Variants in MGAT4A observed in about 807,000 individuals in gnomAD.
MGAT4A encodes N-acetylglucosaminyltransferase IVa.
A neutral mutation model predicts 74.1 loss-of-function variants in MGAT4A; 33 were observed. The observed-to-expected ratio is 0.45, with a 90% CI of 0.34 to 0.60. The LOEUF (loss-of-function observed/expected upper bound fraction) is 0.60. Among genes scored for constraint, MGAT4A ranks in the 20% least tolerant of loss-of-function variants. MGAT4A has a pLI of 0.02. For missense variants in MGAT4A, 479 were observed against 628.3 expected (o/e 0.76, Z 2.54); for synonymous variants, 198 against 210.4 (o/e 0.94, Z 0.51).
At chr2:98,660,939 CT>C (rs1246669589) in intron 5 of MGAT4A, among the ~76,000 whole-genome samples, 1 of 152,184 alleles carries the variant, frequency 6.6e-6, no homozygotes, top group Non-Finnish European at 1.5e-5. Flanking sequence ...AACTAAAACT[CT>C]TCTACATGGC....
chr2:98,663,213 TG>T (rs779760585), intron 4 of MGAT4A, 34 bp from the exon 5 acceptor site: 72 of 1,553,784 alleles, frequency 4.6e-5, no homozygotes, highest in Admixed American at 1.6e-4. Flanking sequence ...ATTAAAAAAC[TG>T]TACAAGGACA....
At chr2:98,658,361 A>G (rs1701691680) in intron 5 of MGAT4A, 97 bp from the exon 6 acceptor site, 2 of 681,670 alleles carry the variant, frequency 2.9e-6, no homozygotes, top group East Asian at 6.0e-5. Context: ...AAAAACATTC[A>G]TTAAAACCAT....
chr2:98,622,706 G>A lies in MGAT4A; in HGVS notation c.*2860C>T, dbSNP rs552380807. 1.0e-6 allele frequency: 1 copy of A among 985,746 alleles called. No homozygotes were observed. Among genetic ancestry groups the A allele is most frequent in the East Asian group, 1.1e-4 (1 of 8,828 alleles). 61.1% of individuals were successfully genotyped at this position (985,746 alleles called of 1,614,324 possible). ...GAGGCCCTGAGCACCCACCATAGGA[G>A]AGGACAGATGAGCAGTATGAGCTGC... On this transcript the variant is annotated 3_prime_UTR_variant, in exon 16 of 16. Transcript: ENST00000393487.
chr2:98,644,091 A>G, intron 9 of MGAT4A, 38 bp from the exon 10 acceptor site: 1 of 1,518,426 alleles, frequency 6.6e-7, no homozygotes, highest in Non-Finnish European at 8.9e-7. Context: ...GCAATGAAGA[A>G]ACCAAGCACC....
At position 98,665,751 on chromosome 2, in the gene MGAT4A, AC is replaced by A. The variant is rs1282062555; in HGVS notation, c.404-2573del. On this transcript the variant is annotated intron_variant, in intron 4 of 15. Coordinates refer to ENST00000393487, the MANE Select transcript of MGAT4A (RefSeq NM_012214.3). ...TCAGAGTGATGAATGGGGAGGGGGT[AC>A]CCCTGTAAGTCGTGTGGTCACGGAA... 5.9e-5 allele frequency among the ~76,000 whole-genome samples: 9 copies of A among 152,224 alleles called. No individual in the cohort carries two copies. The East Asian group carries it at 1.5e-3, about 26-fold the overall frequency.
At chr2:98,645,375 T>G (rs1415710796) in intron 9 of MGAT4A, 53 bp downstream of exon 9, 8 of 1,316,580 alleles carry the variant, frequency 6.1e-6, no homozygotes, top group Non-Finnish European at 1.0e-6. Context: ...GGTTTTAGAT[T>G]CTGAGAGTCA....
rs1182177851 is a variant in MGAT4A at position 98,622,854 on chromosome 2, G to A, written c.*2712C>T. 2.0e-6 allele frequency: 2 copies of A among 985,800 alleles called. No homozygotes were observed. The highest frequency in any genetic ancestry group is 2.4e-6 in the Non-Finnish European group (2 of 830,314). 61.1% of individuals were successfully genotyped at this position (985,800 alleles called of 1,614,324 possible). A position where few individuals can be genotyped will look rare whatever the true frequency, so the allele number is the denominator to read the frequency against. ...ATGGCAACGACAGCAGGGAGAGGGA[G>A]TTAAGAGAGAGAAAGGGGGCTGGAC... On this transcript the variant is annotated 3_prime_UTR_variant, in exon 16 of 16. Transcript: ENST00000393487.
At chr2:98,683,314 T>A (rs1166974927) in intron 2 of MGAT4A, among the ~76,000 whole-genome samples, 1 of 152,146 alleles carries the variant, frequency 6.6e-6, no homozygotes, top group Non-Finnish European at 1.5e-5. Context: ...CAATGTTAAA[T>A]TTCCTGAATT....
rs374588214 is a variant in MGAT4A at position 98,659,695 on chromosome 2, CTT to C, written c.538-1433_538-1432del. ...CTTTCACTTGATTCTCATTTTCTCTCTTGTCTGTTGCCATGTAAGACATGCCT... is the reference window on the plus strand; with the variant it reads ...CTTTCACTTGATTCTCATTTTCTCTCGTCTGTTGCCATGTAAGACATGCCT... On this transcript the variant is annotated intron_variant, in intron 5 of 15. Transcript: ENST00000393487. Among the ~76,000 whole-genome samples, 50 of 152,236 alleles carry C rather than the reference CTT, an allele frequency of 3.3e-4. 1 individual carries two copies. The East Asian group carries it at 7.9e-3, about 24-fold the overall frequency.
chr2:98,720,325 A>C (rs1306948822), intron 2 of MGAT4A, among the ~76,000 whole-genome samples: 1 of 152,248 alleles, frequency 6.6e-6, no homozygotes, highest in Non-Finnish European at 1.5e-5. Flanking sequence ...GGTATCGTCC[A>C]ATCTACTAAG....
chr2:98,663,523 G>T (rs932239495), intron 4 of MGAT4A: 3 of 1,271,350 alleles, frequency 2.4e-6, no homozygotes, highest in Non-Finnish European at 1.0e-6. Context: ...CTTATCTCTC[G>T]ACTTCAAGCA....
chr2:98,730,798 C>T (rs1019366078), intron 1 of MGAT4A, among the ~76,000 whole-genome samples: 9 of 147,972 alleles, frequency 6.1e-5, no homozygotes, highest in Non-Finnish European at 1.1e-4. Flanking sequence ...GGCCCGCGCC[C>T]CGCCGCCCGC....
At chr2:98,646,301 T>C (rs1701484552) in intron 8 of MGAT4A, among the ~76,000 whole-genome samples, 1 of 152,070 alleles carries the variant, frequency 6.6e-6, no homozygotes, top group East Asian at 1.9e-4. Flanking sequence ...AGCGCCCAGA[T>C]TGTGCTTCTA....
intron 7 of MGAT4A, chr2:98,655,933 T>A (rs1346440671): frequency 1.1e-5 from 2 of 181,634 alleles, no homozygotes; most frequent in Non-Finnish European, 2.3e-5. Flanking sequence ...AATATCTTAA[T>A]GTTTCATCAA....
intron 2 of MGAT4A, among the ~76,000 whole-genome samples, chr2:98,720,344 T>C (rs973076425): frequency 2.0e-5 from 3 of 152,148 alleles, no homozygotes; most frequent in Non-Finnish European, 4.4e-5. Flanking sequence ...AGAGCCTGAG[T>C]AGATCAAAAA....
intron 2 of MGAT4A, among the ~76,000 whole-genome samples, chr2:98,711,223 T>C (rs563467941): frequency 1.3e-5 from 2 of 148,944 alleles, no homozygotes; most frequent in Admixed American, 6.7e-5. Flanking sequence ...ATGATAAATT[T>C]GAGCTCAAAA....
intron 2 of MGAT4A, among the ~76,000 whole-genome samples, chr2:98,707,782 G>C (rs1367217927): frequency 1.3e-5 from 2 of 152,118 alleles, no homozygotes; most frequent in African/African-American, 2.4e-5. Context: ...CAACCACCCT[G>C]CCTGTCCCTT....
At chr2:98,656,569 T>C in intron 6 of MGAT4A, 104 bp from the exon 7 acceptor site, 1 of 711,366 alleles carries the variant, frequency 1.4e-6, no homozygotes, top group South Asian at 1.9e-5. Context: ...TAATCATTTG[T>C]AGCAACGTAT....
rs1701061926 is a variant in MGAT4A, at chr2:98,621,617, G to C, written c.*3949C>G. On this transcript the variant is annotated 3_prime_UTR_variant, in exon 16 of 16. Transcript: ENST00000393487. The stretch of plus-strand genomic sequence containing the variant: ...GGTTCCACCCATGCTCAAAGTGGGA[G>C]GATATTATACAAGGTCATTGGTGGG... 6.6e-7 allele frequency: 1 copy of C among 1,504,078 alleles called. No individual in the cohort carries two copies. The highest frequency in any genetic ancestry group is 2.2e-5 in the Admixed American group (1 of 46,164). 93.2% of individuals were successfully genotyped at this position (1,504,078 alleles called of 1,614,324 possible).
Sources: gnomAD v4.1 joint callset for allele counts (sites outside exome capture counted in the v4.1 genomes callset) on GRCh38, gnomAD v4.1.1 for gene constraint, MANE v1.5 for transcripts, NCBI Gene and HGNC (gene_info 2026-07-23, HGNC 2026-07-21) for gene names.